Variants in AGPAT3 observed in about 807,000 individuals in gnomAD.
AGPAT3 encodes 1-acyl-sn-glycerol-3-phosphate acyltransferase gamma.
Under a neutral mutation model 47.3 loss-of-function variants are expected in AGPAT3, and 5 were observed. The ratio of observed to expected loss-of-function variants is 0.11; its 90% CI spans 0.06 to 0.22. The LOEUF is 0.22. Ranked by LOEUF, AGPAT3 falls within the 10% of genes least tolerant of loss-of-function variation. AGPAT3 has a pLI of 1.00. For missense variants in AGPAT3, 315 were observed against 493.0 expected (o/e 0.64, Z 3.42); for synonymous variants, 212 against 208.3 (o/e 1.02, Z -0.15).
intron 2 of AGPAT3, among the ~76,000 whole-genome samples, chr21:43,943,889 C>T (rs1297269204): frequency 6.6e-6 from 1 of 152,196 alleles, no homozygotes. Flanking sequence ...AGGGAGGGAA[C>T]GTTCCGCCGC....
chr21:43,943,093 G>A (rs1490022378), intron 2 of AGPAT3, among the ~76,000 whole-genome samples: 1 of 152,010 alleles, frequency 6.6e-6, no homozygotes, highest in Non-Finnish European at 1.5e-5. Flanking sequence ...GGTGGGGGGC[G>A]GGATGGAGTC....
chr21:43,971,294 G>A (rs1383573459), intron 6 of AGPAT3, 94 bp from the exon 7 acceptor site: 75 of 1,086,646 alleles, frequency 6.9e-5, no homozygotes, highest in Non-Finnish European at 9.8e-5. Flanking sequence ...TCCCCAGGAC[G>A]GGGCCGGGTC....
chr21:43,959,952 A>T, intron 3 of AGPAT3, 93 bp downstream of exon 3: 5 of 1,372,794 alleles, frequency 3.6e-6, no homozygotes, highest in Non-Finnish European at 4.0e-6. Context: ...CTCAGGCAGG[A>T]AGTGAGGGCT....
In AGPAT3 at chr21:43,934,291, C is replaced by T. The variant is rs116266386; in HGVS notation, c.-48-25343C>T. Among the ~76,000 whole-genome samples the T allele has an allele frequency of 0.015, 2,257 of 152,334 alleles. 48 individuals carry two copies. Among genetic ancestry groups the T allele is most frequent in the African/African-American group, 0.051 (2,137 of 41,572 alleles). On this transcript the variant is annotated intron_variant, in intron 2 of 9. Transcript: ENST00000291572. The surrounding 1 kb of genome is among the most constrained non-coding windows in gnomAD (Gnocchi z 4.7). ...AGCCCTCTCACCGCGGTGTGCCTGTCCCCACCTCCCAAGGGCGGAAGGAGG... is the reference window on the plus strand; with the variant it reads ...AGCCCTCTCACCGCGGTGTGCCTGTTCCCACCTCCCAAGGGCGGAAGGAGG...
At position 43,930,251 on chromosome 21, in the gene AGPAT3, C is replaced by T. The variant is rs996756550; in HGVS notation, c.-49+26232C>T. On this transcript the variant is annotated intron_variant, in intron 2 of 9. Transcript: ENST00000291572. The surrounding 1 kb of genome is among the most constrained non-coding windows in gnomAD (Gnocchi z 5.0). ...GTGGGAGGTCTCAGGGCAGAGACGC[C>T]GCACGGTGGGGTAGGGGGCTCTGGT... Among the ~76,000 whole-genome samples, 8 of 152,146 alleles carry T rather than the reference C, an allele frequency of 5.3e-5. No homozygotes were observed. The highest frequency in any genetic ancestry group is 1.9e-4 in the East Asian group (1 of 5,184).
At chr21:43,878,803 C>G (rs1019587273) in intron 1 of AGPAT3, among the ~76,000 whole-genome samples, 3 of 150,352 alleles carry the variant, frequency 2.0e-5, no homozygotes, top group Non-Finnish European at 4.4e-5. Context: ...GGTGCAATCT[C>G]GATCTTGGCT....
chr21:43,865,467 CCG>C (rs1192182364), intron 1 of AGPAT3, 122 bp downstream of exon 1: 1 of 146,960 alleles, frequency 6.8e-6, no homozygotes, highest in East Asian at 2.0e-4. Context: ...CGACCTCGGG[CCG>C]CCCGGGGCCC....
intron 1 of AGPAT3, among the ~76,000 whole-genome samples, chr21:43,868,292 T>G (rs2085552757): frequency 6.6e-6 from 1 of 152,222 alleles, no homozygotes; most frequent in East Asian, 1.9e-4. Flanking sequence ...GTAGAAGGAT[T>G]GCAGATAGGA....
Position 43,982,670 on chromosome 21 carries a change from G to A in AGPAT3, c.*278G>A, listed in dbSNP as rs1428954905. 1.2e-5 allele frequency: 3 copies of A among 258,398 alleles called. No individual in the cohort carries two copies. The highest frequency in any genetic ancestry group is 5.5e-5 in the Admixed American group (1 of 18,056). 16.0% of individuals were successfully genotyped at this position (258,398 alleles called of 1,614,324 possible). ...GCGGACGCCGTCTCTCCAGAACTCC[G>A]CTTCCAAGAGGGAGCCTTTGGCTGC... On this transcript the variant is annotated 3_prime_UTR_variant, in exon 10 of 10. Transcript: ENST00000291572. This position sits in a 1 kb window ranked among gnomAD's most constrained non-coding sequence, Gnocchi z 6.2.
chr21:43,869,067 C>G (rs980690040), intron 1 of AGPAT3, among the ~76,000 whole-genome samples: 16 of 152,232 alleles, frequency 1.1e-4, no homozygotes, highest in Non-Finnish European at 2.2e-4. Context: ...ACACTTTTCA[C>G]TTGTAGAAGG....
intron 1 of AGPAT3, 114 bp from the exon 2 acceptor site, chr21:43,903,842 GT>G (rs2086416546): frequency 6.6e-6 from 1 of 152,308 alleles, no homozygotes; most frequent in African/African-American, 2.4e-5. Flanking sequence ...ATGCGTGCTT[GT>G]CAGTCTCCCT....
intron 2 of AGPAT3, among the ~76,000 whole-genome samples, chr21:43,935,922 TC>T (rs2087430103): frequency 6.6e-6 from 1 of 152,116 alleles, no homozygotes; most frequent in South Asian, 2.1e-4. Flanking sequence ...AGCAAACAGA[TC>T]ATGCCAGGCT....
chr21:43,982,666 C>CCTG lies in AGPAT3; in HGVS notation c.*274_*275insCTG. On this transcript the variant is annotated 3_prime_UTR_variant, in exon 10 of 10. Transcript: ENST00000291572. This position sits in a 1 kb window ranked among gnomAD's most constrained non-coding sequence, Gnocchi z 6.2. ...TCCCGCGGACGCCGTCTCTCCAGAA[C>CCTG]TCCGCTTCCAAGAGGGAGCCTTTGG... The CCTG allele has an allele frequency of 3.6e-6, 1 of 274,940 alleles. No individual in the cohort carries two copies. Among genetic ancestry groups the CCTG allele is most frequent in the South Asian group, 5.4e-5 (1 of 18,472 alleles). 17.0% of individuals were successfully genotyped at this position (274,940 alleles called of 1,614,324 possible).
At chr21:43,869,206 G>T (rs999035893) in intron 1 of AGPAT3, among the ~76,000 whole-genome samples, 9 of 152,148 alleles carry the variant, frequency 5.9e-5, no homozygotes, top group African/African-American at 2.2e-4. Flanking sequence ...GCTTTTTACG[G>T]TACACTTGGT....
At chr21:43,963,524 A>G (rs1027858994) in intron 3 of AGPAT3, among the ~76,000 whole-genome samples, 10 of 151,316 alleles carry the variant, frequency 6.6e-5, no homozygotes, top group Non-Finnish European at 1.3e-4. Context: ...AGCCTGGCCA[A>G]CATGGTGAAA....
chr21:43,873,021 G>A (rs1485303842), intron 1 of AGPAT3, among the ~76,000 whole-genome samples: 1 of 152,258 alleles, frequency 6.6e-6, no homozygotes, highest in Non-Finnish European at 1.5e-5. Flanking sequence ...TTAAAAGACT[G>A]TGGGGACAAG....
At chr21:43,949,532 A>G (rs900879672) in intron 2 of AGPAT3, among the ~76,000 whole-genome samples, 4 of 152,360 alleles carry the variant, frequency 2.6e-5, no homozygotes, top group Middle Eastern at 3.4e-3. Flanking sequence ...TGTGACACCA[A>G]TCCCACCACA....
intron 2 of AGPAT3, among the ~76,000 whole-genome samples, chr21:43,909,464 T>A (rs1008452763): frequency 6.6e-6 from 1 of 151,822 alleles, no homozygotes; most frequent in Non-Finnish European, 1.5e-5. Context: ...CCCGGCTAAT[T>A]TTTTTGTATT....
chr21:43,976,077 T>A (rs939004033), intron 7 of AGPAT3, among the ~76,000 whole-genome samples: 7 of 152,110 alleles, frequency 4.6e-5, no homozygotes, highest in Admixed American at 3.9e-4. Context: ...ATTTTTATTT[T>A]TTTTTTTTGA....
Sources: allele counts gnomAD v4.1 joint callset (sites outside exome capture counted in the v4.1 genomes callset), GRCh38; gene constraint gnomAD v4.1.1; non-coding constraint Gnocchi (gnomAD v3.1); transcripts MANE v1.5; gene names NCBI Gene and HGNC (gene_info 2026-07-23, HGNC 2026-07-21).